REEP3: variants seen among roughly 807,000 people sequenced by gnomAD.
The protein encoded by REEP3 is receptor expression-enhancing protein 3.
Under a neutral mutation model 41.3 loss-of-function variants are expected in REEP3, and 20 were observed. The observed-to-expected ratio is 0.48, with a 90% CI of 0.34 to 0.70. REEP3 has a LOEUF of 0.70. REEP3 is among the 30% of genes least tolerant of loss of function. The probability of loss-of-function intolerance (pLI) is 0.01; values close to 1 mark genes in which losing one functional copy is unlikely to be tolerated. For missense variants in REEP3, 271 were observed against 308.8 expected, an observed-to-expected ratio of 0.88 and a Z score of 0.92; for synonymous variants, 104 against 101.8, an observed-to-expected ratio of 1.02 and a Z score of -0.13.
chr10:63,624,447 G>C lies in REEP3; in HGVS notation c.*3578G>C, dbSNP rs1238307990. The C allele has an allele frequency of 6.6e-6, 1 of 152,020 alleles. No homozygotes were observed. Among genetic ancestry groups the C allele is most frequent in the Non-Finnish European group, 1.5e-5 (1 of 67,958 alleles). 9.4% of individuals were successfully genotyped at this position (152,020 alleles called of 1,614,324 possible). ...TAAATCTATGTACTTTAATAGTTAA[G>C]AGAAAATAAGTTTGCAGATTTTTAA... On this transcript the variant is annotated 3_prime_UTR_variant, in exon 8 of 8. Coordinates refer to ENST00000373758, the MANE Select transcript of REEP3 (RefSeq NM_001001330.3).
intron 6 of REEP3, 104 bp from the exon 7 acceptor site, chr10:63,619,551 G>A: frequency 1.1e-6 from 1 of 942,592 alleles, no homozygotes; most frequent in East Asian, 2.6e-5. Flanking sequence ...AGAGTAACTG[G>A]GGGAAATGCA....
In REEP3 at chr10:63,604,482, C is replaced by T. The variant is rs111785843; in HGVS notation, c.417+5199C>T. Among the ~76,000 whole-genome samples, 1,455 of 152,188 alleles carry T rather than the reference C, an allele frequency of 9.6e-3. 20 individuals carry two copies. The highest frequency in any genetic ancestry group is 0.033 in the African/African-American group (1,357 of 41,528). On this transcript the variant is annotated intron_variant, in intron 5 of 7. Coordinates refer to ENST00000373758, the MANE Select transcript of REEP3 (RefSeq NM_001001330.3). ...GCCTTTTTTTGGTGAATTTCTTTAGCAGATATAAGAAATCAGTTACCACAG... is the reference window on the plus strand; with the variant it reads ...GCCTTTTTTTGGTGAATTTCTTTAGTAGATATAAGAAATCAGTTACCACAG...
chr10:63,539,087 T>C (rs1955502162), intron 1 of REEP3, among the ~76,000 whole-genome samples: 1 of 152,184 alleles, frequency 6.6e-6, no homozygotes, highest in African/African-American at 2.4e-5. Context: ...TATCTATACC[T>C]ATACTGCACT....
intron 2 of REEP3, among the ~76,000 whole-genome samples, chr10:63,570,690 T>C (rs527455713): frequency 1.3e-5 from 2 of 152,314 alleles, no homozygotes; most frequent in East Asian, 1.9e-4. Context: ...TCAACTCTAC[T>C]TCACAAATAA....
At chr10:63,581,421 A>T (rs1255860962) in intron 2 of REEP3, among the ~76,000 whole-genome samples, 1 of 152,194 alleles carries the variant, frequency 6.6e-6, no homozygotes. Flanking sequence ...ATGCATTGAA[A>T]TGTATTATAC....
chr10:63,598,700 C>T (rs1956141739), intron 4 of REEP3, among the ~76,000 whole-genome samples: 1 of 150,712 alleles, frequency 6.6e-6, no homozygotes, highest in Non-Finnish European at 1.5e-5. Flanking sequence ...AGGAGAATGG[C>T]GCGAACCCGG....
At chr10:63,534,354 G>A (rs1246017175) in intron 1 of REEP3, among the ~76,000 whole-genome samples, 1 of 151,956 alleles carries the variant, frequency 6.6e-6, no homozygotes, top group Admixed American at 6.6e-5. Context: ...GGGCTCCAGC[G>A]ATCTTCCTGC....
chr10:63,589,622 C>T (rs1010410476), intron 2 of REEP3, among the ~76,000 whole-genome samples: 2 of 152,054 alleles, frequency 1.3e-5, no homozygotes, highest in Admixed American at 6.6e-5. Context: ...ATACCAGTTC[C>T]TGCAGTGGCT....
rs1283486841 is a variant in REEP3 at position 63,624,303 on chromosome 10, GCTT to G, written c.*3435_*3437del. On this transcript the variant is annotated 3_prime_UTR_variant, in exon 8 of 8. Coordinates refer to ENST00000373758, the MANE Select transcript of REEP3 (RefSeq NM_001001330.3). ...TAAATTTTTCAGAAAGAAAATTATA[GCTT>G]TTTTCCCAAAATATTTTTAAGATTT... 6.6e-6 allele frequency: 1 copy of G among 151,946 alleles called. No homozygotes were observed. The highest frequency in any genetic ancestry group is 6.6e-5 in the Admixed American group (1 of 15,266). 9.4% of individuals were successfully genotyped at this position (151,946 alleles called of 1,614,324 possible). A position where few individuals can be genotyped will look rare whatever the true frequency, so the allele number is the denominator to read the frequency against.
intron 1 of REEP3, among the ~76,000 whole-genome samples, chr10:63,535,956 T>C (rs1362187584): frequency 5.3e-5 from 8 of 152,192 alleles, no homozygotes; most frequent in Non-Finnish European, 7.4e-5. Context: ...CAACAAACCA[T>C]AGAGGAAGCA....
intron 1 of REEP3, among the ~76,000 whole-genome samples, chr10:63,544,870 T>TC (rs1301968468): frequency 6.6e-6 from 1 of 152,194 alleles, no homozygotes; most frequent in African/African-American, 2.4e-5. Flanking sequence ...GACCCAATTC[T>TC]CCCCGTATGT....
At chr10:63,616,874 T>A (rs1466610623) in intron 6 of REEP3, among the ~76,000 whole-genome samples, 2 of 152,176 alleles carry the variant, frequency 1.3e-5, no homozygotes, top group South Asian at 2.1e-4. Flanking sequence ...AAACATTTTT[T>A]AAAAATAAGA....
intron 2 of REEP3, among the ~76,000 whole-genome samples, chr10:63,593,398 C>A (rs1956083711): frequency 6.6e-6 from 1 of 152,204 alleles, no homozygotes. Flanking sequence ...CAGAGTCAGG[C>A]AACCTGGACA....
chr10:63,595,876 C>G (rs1216835597), intron 3 of REEP3, among the ~76,000 whole-genome samples: 2 of 152,242 alleles, frequency 1.3e-5, no homozygotes, highest in Non-Finnish European at 2.9e-5. Flanking sequence ...TTGCACCCAG[C>G]TAAAATGACT....
intron 1 of REEP3, 40 bp from the exon 2 acceptor site, chr10:63,566,298 T>A: frequency 8.8e-7 from 1 of 1,139,250 alleles, no homozygotes; most frequent in Non-Finnish European, 1.3e-6. Context: ...TTTAAAACAT[T>A]GTTGTGTTTG....
chr10:63,585,769 C>A (rs1448318037), intron 2 of REEP3, among the ~76,000 whole-genome samples: 3 of 152,002 alleles, frequency 2.0e-5, no homozygotes, highest in Non-Finnish European at 4.4e-5. Context: ...AAGAAAAATA[C>A]TTTGAAGTTA....
At chr10:63,553,428 C>T (rs1378789729) in intron 1 of REEP3, among the ~76,000 whole-genome samples, 1 of 151,734 alleles carries the variant, frequency 6.6e-6, no homozygotes, top group Non-Finnish European at 1.5e-5. Context: ...TGTAGTATGC[C>T]GTCAGTGATA....
At position 63,622,705 on chromosome 10, in the gene REEP3, C is replaced by CTTTTTTTTTTTTTTTTTTTTTTT. The variant is rs67568146; in HGVS notation, c.*1856_*1857insTTTTTTTTTTTTTTTTTTTTTTT. 1 of 116,604 alleles carries CTTTTTTTTTTTTTTTTTTTTTTT rather than the reference C, an allele frequency of 8.6e-6. No homozygotes were observed. Among genetic ancestry groups the CTTTTTTTTTTTTTTTTTTTTTTT allele is most frequent in the African/African-American group, 3.6e-5 (1 of 28,060 alleles). 7.2% of individuals were successfully genotyped at this position (116,604 alleles called of 1,614,324 possible). Reference sequence around the variant, plus strand: ...TGGGAGCTGATTTGCACCATTTTACCTTTTTTTTTTTTTTTTTTTTGAGAC... The same window carrying CTTTTTTTTTTTTTTTTTTTTTTT: ...TGGGAGCTGATTTGCACCATTTTACCTTTTTTTTTTTTTTTTTTTTTTTTTTTTTTTTTTTTTTTTTTTGAGAC... On this transcript the variant is annotated 3_prime_UTR_variant, in exon 8 of 8. Transcript: ENST00000373758.
intron 1 of REEP3, among the ~76,000 whole-genome samples, chr10:63,535,801 A>G (rs751950165): frequency 1.3e-5 from 2 of 152,224 alleles, no homozygotes; most frequent in Non-Finnish European, 2.9e-5. Context: ...AAAATTAAAA[A>G]ATAAAGATCT....
Sources: allele counts gnomAD v4.1 joint callset (sites outside exome capture counted in the v4.1 genomes callset), GRCh38; gene constraint gnomAD v4.1.1; transcripts MANE v1.5; gene names NCBI Gene and HGNC (gene_info 2026-07-23, HGNC 2026-07-21).